The following SKA1 variants were observed in gnomAD, a reference collection of about 807,000 sequenced individuals.
The protein encoded by SKA1 is spindle and kinetochore associated complex subunit 1.
SKA1 carries 20 observed loss-of-function variants against 31.8 expected under a neutral mutation model. The ratio of observed to expected loss-of-function variants is 0.63; its 90% CI spans 0.44 to 0.91. The LOEUF (loss-of-function observed/expected upper bound fraction) is 0.91, where lower values mean the gene tolerates loss of function less well. Ranked by LOEUF, SKA1 falls within the 40% of genes least tolerant of loss-of-function variation. The probability of loss-of-function intolerance (pLI) is 0.00; values close to 1 mark genes in which losing one functional copy is unlikely to be tolerated. For synonymous variants in SKA1, 88 were observed against 100.5 expected (o/e 0.88, Z 0.74); for missense variants, 253 against 298.2 (o/e 0.85, Z 1.12).
intron 2 of SKA1, among the ~76,000 whole-genome samples, chr18:50,378,129 G>A (rs1169416883): frequency 6.6e-6 from 1 of 152,140 alleles, no homozygotes; most frequent in Admixed American, 6.5e-5. Context: ...AATGAGTCTT[G>A]TTTAAATTCA....
chr18:50,385,223 G>A lies in SKA1; in HGVS notation c.319G>A (p.Gly107Arg), dbSNP rs1189337449. The A allele has an allele frequency of 6.2e-7, 1 of 1,612,110 alleles. No homozygotes were observed. Among genetic ancestry groups the A allele is most frequent in the East Asian group, 2.2e-5 (1 of 44,754 alleles). The change falls in exon 5 of 7, where the codon GGA (glycine) becomes AGA (arginine). Residue 107 changes from glycine to arginine, a missense_variant. By Grantham distance (125) the Gly-to-Arg change is moderately radical. Transcript: ENST00000285116. ...TACATCTGTATTCTGTAGTGTTAAGGGATCAGATCTTGATCCTGAAGAACC... is the reference window on the plus strand; with the variant it reads ...TACATCTGTATTCTGTAGTGTTAAGAGATCAGATCTTGATCCTGAAGAACC... The part of the protein sequence containing the change: ...QVTVTQSCVK[G>R]SDLDPEEPIK...
intron 6 of SKA1, 146 bp from the exon 7 acceptor site, chr18:50,391,953 T>G (rs1388975539): frequency 1.8e-6 from 1 of 546,718 alleles, no homozygotes; most frequent in African/African-American, 1.9e-5. Context: ...AGAATAATTA[T>G]TATTTTAGCA....
chr18:50,375,959 G>A, intron 2 of SKA1, 41 bp downstream of exon 2: 1 of 1,280,446 alleles, frequency 7.8e-7, no homozygotes, highest in Non-Finnish European at 1.1e-6. Flanking sequence ...TATACAAAAT[G>A]CATTTTGATT....
At chr18:50,387,316 C>T (rs1001285999) in intron 5 of SKA1, among the ~76,000 whole-genome samples, 4 of 152,314 alleles carry the variant, frequency 2.6e-5, no homozygotes, top group East Asian at 3.9e-4. Context: ...GCTGAGCTAT[C>T]GAAGGAAGCA....
intron 6 of SKA1, 103 bp from the exon 7 acceptor site, chr18:50,391,996 A>C: frequency 1.2e-6 from 1 of 802,430 alleles, no homozygotes; most frequent in Non-Finnish European, 1.9e-6. Flanking sequence ...TTGGATACTA[A>C]CAGTAAAAAC....
At chr18:50,377,865 T>G (rs1017769878) in intron 2 of SKA1, among the ~76,000 whole-genome samples, 3 of 152,200 alleles carry the variant, frequency 2.0e-5, no homozygotes, top group Non-Finnish European at 4.4e-5. Flanking sequence ...AGGAGCCTCA[T>G]ACATTTTACA....
intron 2 of SKA1, among the ~76,000 whole-genome samples, chr18:50,379,007 C>G (rs2041243485): frequency 6.6e-6 from 1 of 152,174 alleles, no homozygotes; most frequent in African/African-American, 2.4e-5. Flanking sequence ...GAGGTAGGTA[C>G]TTGGTGTCTC....
At position 50,385,250 on chromosome 18, in the gene SKA1, A is replaced by G. The variant is rs781766119; in HGVS notation, c.346A>G (p.Ile116Val). Residue 116 changes from isoleucine (I) to valine (V), a missense_variant, in exon 5 of 7, where the codon ATC becomes GTC. Ile to Val is a conservative substitution (Grantham distance 29, BLOSUM62 3). Transcript: ENST00000285116. Reference sequence around the variant, plus strand: ...ATCAGATCTTGATCCTGAAGAACCAATCAAAGTTGAAGAACCTGAACCCGT... The same window carrying G: ...ATCAGATCTTGATCCTGAAGAACCAGTCAAAGTTGAAGAACCTGAACCCGT... ...KGSDLDPEEP[I>V]KVEEPEPVKK... is the part of the protein sequence containing the mutation. 3 of 1,613,692 alleles carry G rather than the reference A, an allele frequency of 1.9e-6. No individual in the cohort carries two copies. The highest frequency in any genetic ancestry group is 2.5e-6 in the Non-Finnish European group (3 of 1,179,796).
At chr18:50,381,722 G>GT (rs1568328805) in intron 3 of SKA1, among the ~76,000 whole-genome samples, 7 of 125,882 alleles carry the variant, frequency 5.6e-5, no homozygotes, top group African/African-American at 6.1e-5. Flanking sequence ...CAGTCAATGT[G>GT]GTTTTTTTTT....
chr18:50,391,876 A>G (rs1029830701), intron 6 of SKA1, among the ~76,000 whole-genome samples: 9 of 152,232 alleles, frequency 5.9e-5, no homozygotes, highest in Admixed American at 5.9e-4. Flanking sequence ...TGAAAAGTGA[A>G]TTGTTCAAGC....
intron 5 of SKA1, among the ~76,000 whole-genome samples, chr18:50,388,874 TGGG>T (rs2041332911): frequency 6.6e-6 from 1 of 151,840 alleles, no homozygotes; most frequent in South Asian, 2.1e-4. Context: ...CATGGAAGTA[TGGG>T]GGGGCTCCCT....
At chr18:50,391,827 C>T (rs550128647) in intron 6 of SKA1, among the ~76,000 whole-genome samples, 18 of 152,264 alleles carry the variant, frequency 1.2e-4, no homozygotes, top group African/African-American at 4.1e-4. Flanking sequence ...AACACTGTTA[C>T]GGGTTTTATT....
At chr18:50,382,017 G>A (rs745654232) in intron 3 of SKA1, 112 bp from the exon 4 acceptor site, 10 of 680,770 alleles carry the variant, frequency 1.5e-5, no homozygotes, top group Admixed American at 7.8e-5. Flanking sequence ...GAGCCACCGC[G>A]TCCAGCCACA....
chr18:50,376,812 ATTT>A (rs35073697), intron 2 of SKA1, among the ~76,000 whole-genome samples: 2 of 150,124 alleles, frequency 1.3e-5, no homozygotes, highest in African/African-American at 2.5e-5. Context: ...CTTTTTTTCT[ATTT>A]TTTTTTAACT....
In SKA1 at chr18:50,393,869, A is replaced by G. The variant is rs1162300914; in HGVS notation, c.*1622A>G. 1 of 152,192 alleles carries G rather than the reference A, an allele frequency of 6.6e-6. No homozygotes were observed. Among genetic ancestry groups the G allele is most frequent in the African/African-American group, 2.4e-5 (1 of 41,444 alleles). The allele number at this position is 152,192 out of a possible 1,614,324, so 9.4% of individuals were successfully genotyped here. A position where few individuals can be genotyped will look rare whatever the true frequency, so the allele number is the denominator to read the frequency against. The stretch of plus-strand genomic sequence containing the variant: ...GGGGGCTGCTCACAAAGACCACATC[A>G]TGATTGGAAGTTTCAAACTTTCAGT... On this transcript the variant is annotated 3_prime_UTR_variant, in exon 7 of 7. Coordinates refer to ENST00000285116, the MANE Select transcript of SKA1 (RefSeq NM_145060.4).
intron 2 of SKA1, among the ~76,000 whole-genome samples, chr18:50,376,520 G>A (rs1374244776): frequency 1.4e-5 from 2 of 147,938 alleles, no homozygotes; most frequent in African/African-American, 5.0e-5. Context: ...ACTTACCATT[G>A]ATGGAGCTTG....
intron 3 of SKA1, 39 bp from the exon 4 acceptor site, chr18:50,382,090 G>T: frequency 8.7e-7 from 1 of 1,145,964 alleles, no homozygotes; most frequent in Non-Finnish European, 1.2e-6. Flanking sequence ...CACACATGGG[G>T]AGGACAGAGA....
In SKA1 at chr18:50,385,429, A is replaced by G. The variant is rs2041299551; in HGVS notation, c.449+76A>G. 7.7e-6 allele frequency: 9 copies of G among 1,176,216 alleles called. No homozygotes were observed. In the East Asian group the frequency reaches 2.4e-4, roughly 31 times the overall value. The allele number at this position is 1,176,216 out of a possible 1,614,324, so 72.9% of individuals were successfully genotyped here. A position where few individuals can be genotyped will look rare whatever the true frequency, so the allele number is the denominator to read the frequency against. On this transcript the variant is annotated intron_variant, in intron 5 of 6. Transcript: ENST00000285116. ...CGTTTAAATAATAAAGCTTAATTAT[A>G]TTAATTGTAATATGCTATGTTCAAA...
At chr18:50,381,215 A>C (rs1048930973) in intron 3 of SKA1, among the ~76,000 whole-genome samples, 16 of 152,250 alleles carry the variant, frequency 1.1e-4, no homozygotes, top group Non-Finnish European at 2.4e-4. Context: ...AGATGGCGGG[A>C]ATCCAAAGGC....
Sources: allele counts gnomAD v4.1 joint callset (sites outside exome capture counted in the v4.1 genomes callset), GRCh38; gene constraint gnomAD v4.1.1; transcripts MANE v1.5; gene names NCBI Gene and HGNC (gene_info 2026-07-23, HGNC 2026-07-21).